The following DOCK4 variants were observed in gnomAD, a reference collection of about 807,000 sequenced individuals.
DOCK4 encodes dedicator of cytokinesis protein 4.
DOCK4 carries 97 observed loss-of-function variants against 268.1 expected under a neutral mutation model. The observed-to-expected ratio is 0.36, with a 90% CI of 0.31 to 0.43. The LOEUF (loss-of-function observed/expected upper bound fraction) is 0.43. DOCK4 is among the 20% of genes least tolerant of loss of function. The pLI, the probability that DOCK4 is intolerant of heterozygous loss-of-function variation, is 1.00. For missense variants in DOCK4, 2,145 were observed against 2,455.7 expected (o/e 0.87, Z 2.67); for synonymous variants, 954 against 887.2 (o/e 1.08, Z -1.34).
intron 1 of DOCK4, among the ~76,000 whole-genome samples, chr7:112,042,302 C>G (rs1029350772): frequency 2.6e-5 from 4 of 152,102 alleles, no homozygotes; most frequent in African/African-American, 9.7e-5. Context: ...AATCAGTGAC[C>G]AGGAGACGAA....
intron 23 of DOCK4, among the ~76,000 whole-genome samples, chr7:111,861,753 A>T (rs1377583613): frequency 7.0e-6 from 1 of 142,398 alleles, no homozygotes; most frequent in African/African-American, 2.6e-5. Flanking sequence ...CTCAAAAAAA[A>T]AAAAAAATAA....
At chr7:111,922,708 A>G (rs1282159559) in intron 12 of DOCK4, among the ~76,000 whole-genome samples, 1 of 152,076 alleles carries the variant, frequency 6.6e-6, no homozygotes, top group Non-Finnish European at 1.5e-5. Context: ...CAGCCTCCTT[A>G]GCAGTTGGGA....
intron 12 of DOCK4, among the ~76,000 whole-genome samples, chr7:111,918,764 A>C (rs1213273393): frequency 6.6e-6 from 1 of 152,220 alleles, no homozygotes; most frequent in Non-Finnish European, 1.5e-5. Flanking sequence ...GATCTAGTAC[A>C]TGATAACAGT....
intron 23 of DOCK4, among the ~76,000 whole-genome samples, chr7:111,850,003 C>T (rs1269981672): frequency 6.6e-6 from 1 of 152,116 alleles, no homozygotes; most frequent in East Asian, 1.9e-4. Context: ...TCAACTGCCA[C>T]CCAGCCTTGT....
intron 12 of DOCK4, among the ~76,000 whole-genome samples, chr7:111,932,838 T>G (rs967968316): frequency 3.3e-5 from 5 of 152,060 alleles, no homozygotes; most frequent in Non-Finnish European, 7.4e-5. Flanking sequence ...GGCTGCTGCC[T>G]CCTGAATTGG....
chr7:112,069,072 T>C (rs1323215545), intron 1 of DOCK4, among the ~76,000 whole-genome samples: 3 of 152,212 alleles, frequency 2.0e-5, no homozygotes, highest in African/African-American at 4.8e-5. Context: ...CACTCTTGCA[T>C]ATCTTGAATA....
chr7:112,015,213 G>A (rs889431679), intron 1 of DOCK4, among the ~76,000 whole-genome samples: 1 of 152,158 alleles, frequency 6.6e-6, no homozygotes, highest in African/African-American at 2.4e-5. Context: ...TAGTTATAAT[G>A]CATTAGCATG....
chr7:111,906,553 G>A (rs575754753), intron 13 of DOCK4, among the ~76,000 whole-genome samples: 7 of 152,128 alleles, frequency 4.6e-5, no homozygotes, highest in Non-Finnish European at 1.0e-4. Context: ...CCTCATGTGT[G>A]TGAAAGGCAG....
intron 1 of DOCK4, among the ~76,000 whole-genome samples, chr7:112,073,799 T>C (rs1036243158): frequency 6.6e-6 from 1 of 152,030 alleles, no homozygotes; most frequent in Non-Finnish European, 1.5e-5. Flanking sequence ...GGTTAACAGA[T>C]ACAAAATTAT....
Position 111,962,252 on chromosome 7 carries a change from C to A in DOCK4, c.701+14880G>T, listed in dbSNP as rs370005167. On this transcript the variant is annotated intron_variant, in intron 8 of 52. Coordinates refer to ENST00000428084, the MANE Select transcript of DOCK4 (RefSeq NM_001363540.2). ...ACATATTTCTTTAAGGCTTCAAGAGCAATCAACACATATTATTTCTGGTTA... is the reference window on the plus strand; with the variant it reads ...ACATATTTCTTTAAGGCTTCAAGAGAAATCAACACATATTATTTCTGGTTA... 9.2e-5 allele frequency among the ~76,000 whole-genome samples: 14 copies of A among 152,216 alleles called. 1 individual carries two copies. The East Asian group carries it at 2.7e-3, about 29-fold the overall frequency.
At chr7:111,735,013 T>A (rs1233219551) in intron 51 of DOCK4, 41 bp downstream of exon 51, 2 of 1,459,894 alleles carry the variant, frequency 1.4e-6, no homozygotes, top group Non-Finnish European at 1.9e-6. Flanking sequence ...CAATAAAAGT[T>A]ATTTTATAAA....
At chr7:112,139,271 C>T (rs1274116439) in intron 1 of DOCK4, among the ~76,000 whole-genome samples, 3 of 152,092 alleles carry the variant, frequency 2.0e-5, no homozygotes. Context: ...AAAGCTACTT[C>T]AAGTAGCAAT....
chr7:111,750,872 CAT>C (rs1276243428), intron 42 of DOCK4, among the ~76,000 whole-genome samples: 2 of 152,142 alleles, frequency 1.3e-5, no homozygotes, highest in African/African-American at 4.8e-5. Context: ...TACTTATATC[CAT>C]GAGTTACTAA....
At chr7:111,829,913 G>C (rs1001510292) in intron 26 of DOCK4, among the ~76,000 whole-genome samples, 1 of 152,002 alleles carries the variant, frequency 6.6e-6, no homozygotes, top group African/African-American at 2.4e-5. Context: ...TGAATATTTT[G>C]TATCACTCTA....
At chr7:111,860,860 C>A (rs535914153) in intron 23 of DOCK4, among the ~76,000 whole-genome samples, 25 of 152,312 alleles carry the variant, frequency 1.6e-4, no homozygotes, top group African/African-American at 5.5e-4. Context: ...CATCAGGAAC[C>A]AACAAGGAAC....
chr7:111,751,865 G>A (rs1044886007), intron 42 of DOCK4, among the ~76,000 whole-genome samples: 3 of 152,050 alleles, frequency 2.0e-5, no homozygotes, highest in Non-Finnish European at 4.4e-5. Flanking sequence ...TGATCTTCTG[G>A]CCTCAACTTC....
At chr7:112,110,768 C>T (rs1417723755) in intron 1 of DOCK4, among the ~76,000 whole-genome samples, 1 of 152,284 alleles carries the variant, frequency 6.6e-6, no homozygotes. Context: ...TCAGACACTT[C>T]CAGTATAGAC....
intron 51 of DOCK4, among the ~76,000 whole-genome samples, chr7:111,733,537 C>G (rs1045227924): frequency 2.0e-5 from 3 of 152,186 alleles, no homozygotes; most frequent in Non-Finnish European, 4.4e-5. Context: ...CTGATCCTGA[C>G]GGAGAACTAT....
intron 42 of DOCK4, among the ~76,000 whole-genome samples, chr7:111,754,163 C>T (rs1041290647): frequency 3.3e-5 from 5 of 152,150 alleles, no homozygotes; most frequent in African/African-American, 4.8e-5. Context: ...TTGAGCACTG[C>T]GTTTAGCAGT....
Sources: allele counts gnomAD v4.1 joint callset (sites outside exome capture counted in the v4.1 genomes callset), GRCh38; gene constraint gnomAD v4.1.1; transcripts MANE v1.5; gene names NCBI Gene and HGNC (gene_info 2026-07-23, HGNC 2026-07-21).